Variants in OR8I2 observed in about 807,000 individuals in gnomAD.
The protein encoded by OR8I2 is olfactory receptor family 8 subfamily I member 2.
For missense variants in OR8I2, 431 were observed against 368.3 expected (o/e 1.17, Z -1.39); for synonymous variants, 158 against 142.8 (o/e 1.11, Z -0.76).
In OR8I2 at chr11:56,094,050, C is replaced by A. The variant is rs139361551; in HGVS notation, c.743C>A (p.Thr248Asn). 1.6e-4 allele frequency: 265 copies of A among 1,614,060 alleles called. 1 individual carries two copies. In the African/African-American group the frequency reaches 3.0e-3, roughly 19 times the overall value. ...STCASHLMAV[T>N]IFYGSLIFTY... is the part of the protein sequence containing the mutation. Reference sequence around the variant, plus strand: ...TGCGCATCCCACCTCATGGCTGTAACTATCTTTTATGGGTCTCTGATTTTC... The same window carrying A: ...TGCGCATCCCACCTCATGGCTGTAAATATCTTTTATGGGTCTCTGATTTTC... Residue 248 changes from threonine to asparagine, a missense_variant, in exon 1 of 1, where the codon ACT (threonine) becomes AAT (asparagine). By Grantham distance (65) the Thr-to-Asn change is moderately conservative. Transcript: ENST00000302124.
At position 56,093,788 on chromosome 11, in the gene OR8I2, T is replaced by G; in HGVS notation, c.481T>G (p.Trp161Gly). The G allele has an allele frequency of 6.2e-7, 1 of 1,613,384 alleles. No individual in the cohort carries two copies. Among genetic ancestry groups the G allele is most frequent in the Non-Finnish European group, 8.5e-7 (1 of 1,179,536 alleles). Residue 161 changes from tryptophan (W) to glycine (G), a missense_variant, in exon 1 of 1, where the codon TGG (tryptophan) becomes GGG (glycine). Trp to Gly is a radical substitution (Grantham distance 184, BLOSUM62 -2). Transcript: ENST00000302124. Reference sequence around the variant, plus strand: ...CTTCACAAGCTCGCTGATATCTGTCTGGGTGATAAGCAGTTTGGCGTTCTG... The same window carrying G: ...CTTCACAAGCTCGCTGATATCTGTCGGGGTGATAAGCAGTTTGGCGTTCTG... ...IGFTSSLISV[W>G]VISSLAFCDS...
rs762341594 is a variant in OR8I2 at position 56,093,550 on chromosome 11, A to G, written c.243A>G (p.Ala81=). 1 of 1,613,856 alleles carries G rather than the reference A, an allele frequency of 6.2e-7. No homozygotes were observed. The highest frequency in any genetic ancestry group is 8.5e-7 in the Non-Finnish European group (1 of 1,179,956). ...ACTCCTCTACTGTAACACCTAAGGC[A>G]TTGGTGAATTTCCAATCCAATCGGA... The part of the protein sequence containing the change: ...IFYSSTVTPK[A]LVNFQSNRRS... Residue 81 remains alanine, a synonymous_variant, in exon 1 of 1, where the codon GCA becomes GCG. Coordinates refer to ENST00000302124, the MANE Select transcript of OR8I2 (RefSeq NM_001003750.1).
rs1328006774 is a variant in OR8I2 at position 56,093,639 on chromosome 11, A to C, written c.332A>C (p.Glu111Ala). The C allele has an allele frequency of 6.2e-7, 1 of 1,613,842 alleles. No individual in the cohort carries two copies. The highest frequency in any genetic ancestry group is 1.1e-5 in the South Asian group (1 of 91,076). The change falls in exon 1 of 1, where the codon GAG becomes GCG. Residue 111 changes from glutamate to alanine, a missense_variant. Glu to Ala is a moderately radical substitution (Grantham distance 107). Transcript: ENST00000302124. Reference sequence around the variant, plus strand: ...TTTTTTGTTGGATTGGTGTGTTGTGAGTGTTTCCTTCTGGGATCAATGGCC... The same window carrying C: ...TTTTTTGTTGGATTGGTGTGTTGTGCGTGTTTCCTTCTGGGATCAATGGCC... ...MYFFVGLVCCECFLLGSMAYN... is the reference protein window; with the variant it reads ...MYFFVGLVCCACFLLGSMAYN...
In OR8I2 at chr11:56,093,730, C is replaced by T. The variant is rs767692795; in HGVS notation, c.423C>T (p.Ser141=). Residue 141 remains serine (S), a synonymous_variant, in exon 1 of 1, where the codon TCC becomes TCT. Transcript: ENST00000302124. ...CAGTAGTCATGTCCCAAAAAGTGTC[C>T]AACTGGCTGGGAGTAATGCCATATG... The part of the protein sequence containing the change: ...LYSVVMSQKV[S]NWLGVMPYVI... The T allele has an allele frequency of 2.8e-5, 45 of 1,613,830 alleles. No individual in the cohort carries two copies. Among genetic ancestry groups the T allele is most frequent in the Non-Finnish European group, 3.6e-5 (43 of 1,179,958 alleles).
chr11:56,093,666 A>T lies in OR8I2; in HGVS notation c.359A>T (p.Tyr120Phe). 1 of 1,613,982 alleles carries T rather than the reference A, an allele frequency of 6.2e-7. No homozygotes were observed. Among genetic ancestry groups the T allele is most frequent in the Non-Finnish European group, 8.5e-7 (1 of 1,179,948 alleles). ...CECFLLGSMA[Y>F]NRYIAICNPL... ...TGTTTCCTTCTGGGATCAATGGCCT[A>T]CAATCGCTACATAGCAATCTGCAAT... Residue 120 changes from tyrosine (Y) to phenylalanine (F), a missense_variant, in exon 1 of 1, where the codon TAC (tyrosine) becomes TTC (phenylalanine). Tyr to Phe is a conservative substitution (Grantham distance 22). Coordinates refer to ENST00000302124, the MANE Select transcript of OR8I2 (RefSeq NM_001003750.1).
chr11:56,093,380 G>A lies in OR8I2; in HGVS notation c.73G>A (p.Val25Ile). ...SGFANHPELQ[V>I]SLFLMFLFIY... ...ATTTGCAAATCACCCTGAATTACAA[G>A]TCAGTCTTTTCTTGATGTTTCTCTT... Residue 25 changes from valine to isoleucine, a missense_variant, in exon 1 of 1, where the codon GTC (valine) becomes ATC (isoleucine). Coordinates refer to ENST00000302124, the MANE Select transcript of OR8I2 (RefSeq NM_001003750.1). 1.2e-6 allele frequency: 2 copies of A among 1,612,710 alleles called. No homozygotes were observed. The highest frequency in any genetic ancestry group is 3.3e-5 in the Admixed American group (2 of 59,814).
rs778219720 is a variant in OR8I2 at position 56,093,676 on chromosome 11, C to A, written c.369C>A (p.Tyr123Ter). ...FLLGSMAYNR[Y>*]IAICNPLLYS... ...TGGGATCAATGGCCTACAATCGCTA[C>A]ATAGCAATCTGCAATCCCTTACTGT... The change falls in exon 1 of 1, where the codon TAC (tyrosine) becomes TAA (stop). Residue 123 changes from tyrosine to a stop codon, truncating the protein, a stop_gained. Transcript: ENST00000302124. LOFTEE classifies it low-confidence loss of function (END_TRUNC). 2.5e-6 allele frequency: 4 copies of A among 1,613,980 alleles called. No individual in the cohort carries two copies. Among genetic ancestry groups the A allele is most frequent in the South Asian group, 2.2e-5 (2 of 91,088 alleles).
rs1853908724 is a variant in OR8I2, at chr11:56,093,438, G to A, written c.131G>A (p.Gly44Glu). Residue 44 changes from glycine to glutamate, a missense_variant, in exon 1 of 1, where the codon GGA (glycine) becomes GAA (glutamate). Gly to Glu is a moderately conservative substitution (Grantham distance 98). Transcript: ENST00000302124. The stretch of plus-strand genomic sequence containing the variant: ...CTATTCACTGTTTTGGGAAACCTGG[G>A]ACTGATCACGTTAATCAGAATGGAT... ...IYLFTVLGNLGLITLIRMDSQ... is the reference protein window; with the variant it reads ...IYLFTVLGNLELITLIRMDSQ... The A allele has an allele frequency of 1.9e-6, 3 of 1,613,792 alleles. No individual in the cohort carries two copies. Among genetic ancestry groups the A allele is most frequent in the East Asian group, 2.2e-5 (1 of 44,856 alleles).
In OR8I2 at chr11:56,093,987, T is replaced by G. The variant is rs1246240284; in HGVS notation, c.680T>G (p.Ile227Ser). 6.2e-7 allele frequency: 1 copy of G among 1,613,946 alleles called. No individual in the cohort carries two copies. Among genetic ancestry groups the G allele is most frequent in the Admixed American group, 1.7e-5 (1 of 59,924 alleles). ...ATCATCATCTCAGCCATCCTGAGGA[T>G]CCAGTCAGCAGCAGGCAGGCAGAAG... Reference protein sequence around the residue: ...YIIIISAILRIQSAAGRQKAF... With the variant: ...YIIIISAILRSQSAAGRQKAF... The change falls in exon 1 of 1, where the codon ATC becomes AGC. Residue 227 changes from isoleucine (I) to serine (S), a missense_variant. Ile to Ser is a moderately radical substitution (Grantham distance 142, BLOSUM62 -2). Transcript: ENST00000302124.
rs765237286 is a variant in OR8I2, at chr11:56,093,808, G to A, written c.501G>A (p.Ala167=). The change falls in exon 1 of 1, where the codon GCG becomes GCA. Residue 167 remains alanine, a synonymous_variant. Transcript: ENST00000302124. ...CTGTCTGGGTGATAAGCAGTTTGGC[G>A]TTCTGTGATTCCAGCATCAATCATT... is the stretch of plus-strand genomic sequence containing the variant. ...LISVWVISSL[A]FCDSSINHFF... 6.8e-6 allele frequency: 11 copies of A among 1,613,842 alleles called. No homozygotes were observed. The highest frequency in any genetic ancestry group is 1.3e-5 in the African/African-American group (1 of 75,002).
rs753946665 is a variant in OR8I2 at position 56,094,231 on chromosome 11, T to G, written c.924T>G (p.Leu308=). ...NALLRVIHRK[L]FP ...TTCTGAGAGTCATACATAGAAAACT[T>G]TTTCCATGACAAATTTATGTATGTT... Residue 308 remains leucine, a synonymous_variant, in exon 1 of 1, where the codon CTT becomes CTG. Coordinates refer to ENST00000302124, the MANE Select transcript of OR8I2 (RefSeq NM_001003750.1). 21 of 1,494,934 alleles carry G rather than the reference T, an allele frequency of 1.4e-5. No homozygotes were observed. Among genetic ancestry groups the G allele is most frequent in the Non-Finnish European group, 1.9e-5 (21 of 1,095,544 alleles). The allele number at this position is 1,494,934 out of a possible 1,614,324, so 92.6% of individuals were successfully genotyped here. A position where few individuals can be genotyped will look rare whatever the true frequency, so the allele number is the denominator to read the frequency against.
Position 56,093,647 on chromosome 11 carries a change from C to A in OR8I2, c.340C>A (p.Leu114Ile). The A allele has an allele frequency of 6.2e-7, 1 of 1,613,892 alleles. No homozygotes were observed. Among genetic ancestry groups the A allele is most frequent in the Non-Finnish European group, 8.5e-7 (1 of 1,179,968 alleles). Residue 114 changes from leucine to isoleucine, a missense_variant, in exon 1 of 1, where the codon CTT becomes ATT. Coordinates refer to ENST00000302124, the MANE Select transcript of OR8I2 (RefSeq NM_001003750.1). ...TGGATTGGTGTGTTGTGAGTGTTTC[C>A]TTCTGGGATCAATGGCCTACAATCG... ...FVGLVCCECF[L>I]LGSMAYNRYI...
Position 56,093,688 on chromosome 11 carries a change from C to A in OR8I2, c.381C>A (p.Cys127Ter). The change falls in exon 1 of 1, where the codon TGC (cysteine) becomes TGA (stop). Residue 127 changes from cysteine to a stop codon, truncating the protein, a stop_gained. Transcript: ENST00000302124. LOFTEE classifies it low-confidence loss of function (END_TRUNC). Reference sequence around the variant, plus strand: ...CCTACAATCGCTACATAGCAATCTGCAATCCCTTACTGTATTCAGTAGTCA... The same window carrying A: ...CCTACAATCGCTACATAGCAATCTGAAATCCCTTACTGTATTCAGTAGTCA... ...SMAYNRYIAI[C>*]NPLLYSVVMS... is the part of the protein sequence containing the mutation. The A allele has an allele frequency of 6.2e-7, 1 of 1,613,992 alleles. No individual in the cohort carries two copies. Among genetic ancestry groups the A allele is most frequent in the Non-Finnish European group, 8.5e-7 (1 of 1,179,930 alleles).
chr11:56,094,038 T>A lies in OR8I2; in HGVS notation c.731T>A (p.Leu244His), dbSNP rs774042193. ...GCCTTCTCCACCTGCGCATCCCACC[T>A]CATGGCTGTAACTATCTTTTATGGG... ...QKAFSTCASH[L>H]MAVTIFYGSL... is the part of the protein sequence containing the mutation. The change falls in exon 1 of 1, where the codon CTC (leucine) becomes CAC (histidine). Residue 244 changes from leucine (L) to histidine (H), a missense_variant. Leu to His is a moderately conservative substitution (Grantham distance 99, BLOSUM62 -3). Transcript: ENST00000302124. The A allele has an allele frequency of 1.2e-6, 2 of 1,614,042 alleles. No homozygotes were observed. Among genetic ancestry groups the A allele is most frequent in the Admixed American group, 1.7e-5 (1 of 59,964 alleles).
chr11:56,093,917 T>C lies in OR8I2; in HGVS notation c.610T>C (p.Phe204Leu). The change falls in exon 1 of 1, where the codon TTC becomes CTC. Residue 204 changes from phenylalanine to leucine, a missense_variant. Coordinates refer to ENST00000302124, the MANE Select transcript of OR8I2 (RefSeq NM_001003750.1). ...AATGGTGAGCTTTGTCTTAGCTGGA[T>C]TCACTCTTCTTAGCTCTCTCCTTAT... ...TEMVSFVLAG[F>L]TLLSSLLIIT... The C allele has an allele frequency of 6.2e-7, 1 of 1,613,976 alleles. No homozygotes were observed. The highest frequency in any genetic ancestry group is 2.2e-5 in the East Asian group (1 of 44,858).
Position 56,094,052 on chromosome 11 carries a change from A to G in OR8I2, c.745A>G (p.Ile249Val), listed in dbSNP as rs753537479. 5.9e-5 allele frequency: 96 copies of G among 1,613,892 alleles called. No individual in the cohort carries two copies. The highest frequency in any genetic ancestry group is 8.3e-5 in the Admixed American group (5 of 59,932). Residue 249 changes from isoleucine (I) to valine (V), a missense_variant, in exon 1 of 1, where the codon ATC becomes GTC. Physicochemically the swap from Ile to Val is conservative, Grantham distance 29. Transcript: ENST00000302124. Reference protein sequence around the residue: ...TCASHLMAVTIFYGSLIFTYL... With the variant: ...TCASHLMAVTVFYGSLIFTYL... ...CGCATCCCACCTCATGGCTGTAACTATCTTTTATGGGTCTCTGATTTTCAC... is the reference window on the plus strand; with the variant it reads ...CGCATCCCACCTCATGGCTGTAACTGTCTTTTATGGGTCTCTGATTTTCAC...
In OR8I2 at chr11:56,093,566, T is replaced by G; in HGVS notation, c.259T>G (p.Ser87Ala). 1.2e-6 allele frequency: 2 copies of G among 1,614,036 alleles called. No individual in the cohort carries two copies. Among genetic ancestry groups the G allele is most frequent in the Non-Finnish European group, 1.7e-6 (2 of 1,179,974 alleles). Residue 87 changes from serine to alanine, a missense_variant, in exon 1 of 1, where the codon TCC becomes GCC. Coordinates refer to ENST00000302124, the MANE Select transcript of OR8I2 (RefSeq NM_001003750.1). ...ACCTAAGGCATTGGTGAATTTCCAA[T>G]CCAATCGGAGATCCATCTCCTTTGT... is the stretch of plus-strand genomic sequence containing the variant. ...VTPKALVNFQ[S>A]NRRSISFVGC...
chr11:56,093,835 T>G lies in OR8I2; in HGVS notation c.528T>G (p.Phe176Leu), dbSNP rs1258355953. The change falls in exon 1 of 1, where the codon TTT becomes TTG. Residue 176 changes from phenylalanine (F) to leucine (L), a missense_variant. By Grantham distance (22) the Phe-to-Leu change is conservative. Coordinates refer to ENST00000302124, the MANE Select transcript of OR8I2 (RefSeq NM_001003750.1). Reference protein sequence around the residue: ...LAFCDSSINHFFCDTTALLAL... With the variant: ...LAFCDSSINHLFCDTTALLAL... Reference sequence around the variant, plus strand: ...TCTGTGATTCCAGCATCAATCATTTTTTTTGTGACACCACAGCTCTTTTAG... The same window carrying G: ...TCTGTGATTCCAGCATCAATCATTTGTTTTGTGACACCACAGCTCTTTTAG... 6.2e-7 allele frequency: 1 copy of G among 1,614,092 alleles called. No individual in the cohort carries two copies. The highest frequency in any genetic ancestry group is 8.5e-7 in the Non-Finnish European group (1 of 1,179,980).
In OR8I2 at chr11:56,094,010, A is replaced by C; in HGVS notation, c.703A>C (p.Lys235Gln). The C allele has an allele frequency of 6.2e-7, 1 of 1,613,958 alleles. No individual in the cohort carries two copies. Among genetic ancestry groups the C allele is most frequent in the Non-Finnish European group, 8.5e-7 (1 of 1,179,928 alleles). ...LRIQSAAGRQKAFSTCASHLM... is the reference protein window; with the variant it reads ...LRIQSAAGRQQAFSTCASHLM... ...GATCCAGTCAGCAGCAGGCAGGCAGAAGGCCTTCTCCACCTGCGCATCCCA... is the reference window on the plus strand; with the variant it reads ...GATCCAGTCAGCAGCAGGCAGGCAGCAGGCCTTCTCCACCTGCGCATCCCA... Residue 235 changes from lysine to glutamine, a missense_variant, in exon 1 of 1, where the codon AAG (lysine) becomes CAG (glutamine). By Grantham distance (53) the Lys-to-Gln change is moderately conservative. Coordinates refer to ENST00000302124, the MANE Select transcript of OR8I2 (RefSeq NM_001003750.1).
Sources: allele counts gnomAD v4.1 joint callset, GRCh38; gene constraint gnomAD v4.1.1; transcripts MANE v1.5; gene names NCBI Gene and HGNC (gene_info 2026-07-23, HGNC 2026-07-21).